The following SLC25A24 variants were observed in gnomAD, a reference collection of about 807,000 sequenced individuals.
The protein encoded by SLC25A24 is solute carrier family 25 member 24.
Under a neutral mutation model 60.7 loss-of-function variants are expected in SLC25A24, and 49 were observed. The observed-to-expected ratio is 0.81, with a 90% CI of 0.64 to 1.02. The LOEUF is 1.02. Among genes scored for constraint, SLC25A24 ranks in the 50% least tolerant of loss-of-function variants. The pLI is 0.00. For missense variants in SLC25A24, 564 were observed against 586.3 expected (o/e 0.96, Z 0.39); for synonymous variants, 202 against 200.6 (o/e 1.01, Z -0.06).
chr1:108,192,690 C>A, intron 1 of SLC25A24: 1 of 1,454,240 alleles, frequency 6.9e-7, no homozygotes. Context: ...GACCGACGAA[C>A]GGGATCTCTG....
At chr1:108,199,717 C>A in intron 1 of SLC25A24, 1 of 580,652 alleles carries the variant, frequency 1.7e-6, no homozygotes, top group Middle Eastern at 4.5e-4. Flanking sequence ...AGAGTGTCCA[C>A]AACACTCATT....
intron 3 of SLC25A24, among the ~76,000 whole-genome samples, chr1:108,174,070 T>C (rs185743739): frequency 2.0e-5 from 3 of 152,172 alleles, no homozygotes; most frequent in South Asian, 4.1e-4. Flanking sequence ...GAGGAAAAAA[T>C]TCAAGCCAGC....
chr1:108,197,444 G>A (rs545296846), intron 1 of SLC25A24, among the ~76,000 whole-genome samples: 3 of 152,204 alleles, frequency 2.0e-5, no homozygotes, highest in Admixed American at 6.5e-5. Context: ...ACTTTCCACC[G>A]AAGAGTCACC....
intron 3 of SLC25A24, among the ~76,000 whole-genome samples, chr1:108,166,205 T>C (rs1429498718): frequency 6.6e-6 from 1 of 152,190 alleles, no homozygotes; most frequent in African/African-American, 2.4e-5. Context: ...AACCCGACCT[T>C]TCTCTCTGGC....
At chr1:108,185,150 G>A (rs553388412) in intron 2 of SLC25A24, among the ~76,000 whole-genome samples, 98 of 152,168 alleles carry the variant, frequency 6.4e-4, no homozygotes, top group African/African-American at 2.2e-3. Flanking sequence ...CACCAGATTC[G>A]GCTCAACTTT....
chr1:108,147,907 C>G (rs768264253), intron 7 of SLC25A24, among the ~76,000 whole-genome samples: 2 of 152,124 alleles, frequency 1.3e-5, no homozygotes, highest in South Asian at 4.2e-4. Flanking sequence ...CTCTCTCTCT[C>G]TCTCTGTTGG....
At chr1:108,188,356 C>T (rs612994) in intron 1 of SLC25A24, among the ~76,000 whole-genome samples, 131,985 of 152,040 alleles carry the variant, frequency 0.87, 57,564 homozygotes, top group African/African-American at 0.95. Flanking sequence ...AATGTGCACA[C>T]ACCCTCCAAA....
chr1:108,156,022 G>A (rs570906460), intron 5 of SLC25A24, among the ~76,000 whole-genome samples: 4 of 152,030 alleles, frequency 2.6e-5, no homozygotes, highest in Non-Finnish European at 5.9e-5. Context: ...CAGCCATGTG[G>A]CCAGTATGAA....
chr1:108,154,440 G>C (rs2101610843), intron 6 of SLC25A24, among the ~76,000 whole-genome samples: 1 of 152,310 alleles, frequency 6.6e-6, no homozygotes, highest in Admixed American at 6.5e-5. Flanking sequence ...ACAGAGAAGT[G>C]ATTCAGAGGT....
At chr1:108,172,930 TAAC>T (rs1335078519) in intron 3 of SLC25A24, among the ~76,000 whole-genome samples, 11 of 151,572 alleles carry the variant, frequency 7.3e-5, no homozygotes, top group Admixed American at 7.2e-4. Context: ...ATAATAATAA[TAAC>T]AATATCCCAA....
chr1:108,187,071 C>T (rs1465756385), intron 1 of SLC25A24, among the ~76,000 whole-genome samples: 1 of 102,420 alleles, frequency 9.8e-6, no homozygotes, highest in African/African-American at 4.3e-5. Flanking sequence ...GAGTGAAACT[C>T]TATCTCAAAA....
At position 108,143,442 on chromosome 1, in the gene SLC25A24, TCA is replaced by T. The variant is rs1679499890; in HGVS notation, c.1098+99_1098+100del. 3 of 977,250 alleles carry T rather than the reference TCA, an allele frequency of 3.1e-6. No homozygotes were observed. The African/African-American group carries it at 4.9e-5, about 16-fold the overall frequency. The allele number at this position is 977,250 out of a possible 1,614,324, so 60.5% of individuals were successfully genotyped here. A position where few individuals can be genotyped will look rare whatever the true frequency, so the allele number is the denominator to read the frequency against. ...AACACATGCTTGAATTTACTTCTGG[TCA>T]CACACTGTTTTCTGGTATATATCTA... On this transcript the variant is annotated intron_variant, in intron 8 of 9. Coordinates refer to ENST00000565488, the MANE Select transcript of SLC25A24 (RefSeq NM_013386.5).
intron 2 of SLC25A24, among the ~76,000 whole-genome samples, chr1:108,185,411 A>C (rs1015515037): frequency 1.3e-5 from 2 of 152,240 alleles, no homozygotes; most frequent in Admixed American, 6.5e-5. Context: ...GATGCAAGAT[A>C]ATCTGAAAGT....
chr1:108,189,842 TTAAAGA>T (rs1175640086), intron 1 of SLC25A24, among the ~76,000 whole-genome samples: 2 of 143,214 alleles, frequency 1.4e-5, no homozygotes, highest in East Asian at 2.0e-4. Context: ...CTAAAGCTAA[TTAAAGA>T]TAAAGTAAAA....
intron 3 of SLC25A24, among the ~76,000 whole-genome samples, chr1:108,165,483 T>G (rs1186313338): frequency 6.6e-6 from 1 of 152,146 alleles, no homozygotes; most frequent in African/African-American, 2.4e-5. Context: ...GCTCCTGTAT[T>G]GGGTGCATAT....
intron 3 of SLC25A24, among the ~76,000 whole-genome samples, chr1:108,161,796 CTTTTT>C (rs976367644): frequency 6.7e-6 from 1 of 148,430 alleles, no homozygotes; most frequent in African/African-American, 2.5e-5. Context: ...GCCTTTGAGT[CTTTTT>C]TTTTTATTAT....
intron 3 of SLC25A24, among the ~76,000 whole-genome samples, chr1:108,161,869 C>T (rs1680094225): frequency 2.0e-5 from 3 of 151,586 alleles, no homozygotes; most frequent in Admixed American, 1.3e-4. Flanking sequence ...CATATGTATA[C>T]ATGTGCCTTG....
intron 1 of SLC25A24, among the ~76,000 whole-genome samples, chr1:108,192,122 C>T (rs926800381): frequency 2.2e-5 from 3 of 138,040 alleles, no homozygotes; most frequent in African/African-American, 7.5e-5. Flanking sequence ...CCCAAATACA[C>T]GTAGAGTGAT....
At position 108,199,778 on chromosome 1, in the gene SLC25A24, C is replaced by T. The variant is rs1013115708; in HGVS notation, c.183+178G>A. 8.3e-6 allele frequency: 5 copies of T among 600,042 alleles called. No homozygotes were observed. The East Asian group carries it at 1.1e-4, about 13-fold the overall frequency. The allele number at this position is 600,042 out of a possible 1,614,324, so 37.2% of individuals were successfully genotyped here. On this transcript the variant is annotated intron_variant, in intron 1 of 9. Transcript: ENST00000565488. ...TTCGTATTATGACCCACTTCTGTTACCGGGGTCGCCGGTCGCGGCCCCACG... is the reference window on the plus strand; with the variant it reads ...TTCGTATTATGACCCACTTCTGTTATCGGGGTCGCCGGTCGCGGCCCCACG...
Sources: gnomAD v4.1 joint callset for allele counts (sites outside exome capture counted in the v4.1 genomes callset) on GRCh38, gnomAD v4.1.1 for gene constraint, MANE v1.5 for transcripts, NCBI Gene and HGNC (gene_info 2026-07-23, HGNC 2026-07-21) for gene names.